Variants in KIRREL1 observed in about 807,000 individuals in gnomAD.
KIRREL1 encodes kirre like nephrin family adhesion molecule 1.
KIRREL1 carries 25 observed loss-of-function variants against 83.3 expected under a neutral mutation model. The observed-to-expected ratio is 0.30, with a 90% CI of 0.22 to 0.42. KIRREL1 has a LOEUF of 0.42. Among genes scored for constraint, KIRREL1 ranks in the 10% least tolerant of loss-of-function variants. The probability of loss-of-function intolerance (pLI) is 1.00; values close to 1 mark genes in which losing one functional copy is unlikely to be tolerated. For synonymous variants in KIRREL1, 388 were observed against 410.4 expected (o/e 0.95, Z 0.66); for missense variants, 812 against 1,032.3 (o/e 0.79, Z 2.92).
intron 1 of KIRREL1, among the ~76,000 whole-genome samples, chr1:158,066,190 C>T (rs1661353379): frequency 6.6e-6 from 1 of 152,028 alleles, no homozygotes; most frequent in Non-Finnish European, 1.5e-5. Context: ...GCCAACTCCA[C>T]ATCCCTCCCT....
At chr1:158,041,632 C>T (rs1660630155) in intron 1 of KIRREL1, among the ~76,000 whole-genome samples, 1 of 152,208 alleles carries the variant, frequency 6.6e-6, no homozygotes, top group South Asian at 2.1e-4. Context: ...GAGGGAATCA[C>T]TTCTCTCCAC....
intron 3 of KIRREL1, among the ~76,000 whole-genome samples, chr1:158,083,380 A>G (rs73024667): frequency 0.2 from 30,350 of 152,232 alleles, 4,526 homozygotes; most frequent in African/African-American, 0.42. Context: ...GGTGGGCTAC[A>G]GCATGGAAAG....
chr1:158,021,247 A>G (rs1175471668), intron 1 of KIRREL1, among the ~76,000 whole-genome samples: 1 of 152,134 alleles, frequency 6.6e-6, no homozygotes, highest in Non-Finnish European at 1.5e-5. Context: ...TTGTTATCAG[A>G]ATTATTTTCT....
chr1:158,014,365 T>G (rs1450802148), intron 1 of KIRREL1, among the ~76,000 whole-genome samples: 1 of 151,820 alleles, frequency 6.6e-6, no homozygotes, highest in Non-Finnish European at 1.5e-5. Context: ...CCAATAGGGG[T>G]AAATGTTTAA....
At chr1:158,049,757 A>AC (rs1390862347) in intron 1 of KIRREL1, among the ~76,000 whole-genome samples, 1 of 152,118 alleles carries the variant, frequency 6.6e-6, no homozygotes, top group Non-Finnish European at 1.5e-5. Flanking sequence ...TAGAATCCAG[A>AC]CCTATTTAGG....
chr1:158,018,303 T>C (rs1659893776), intron 1 of KIRREL1, among the ~76,000 whole-genome samples: 2 of 152,132 alleles, frequency 1.3e-5, no homozygotes, highest in African/African-American at 4.8e-5. Flanking sequence ...CCCAGCCTAA[T>C]ACTTCCCAGA....
chr1:158,002,159 C>A (rs534917661), intron 1 of KIRREL1, among the ~76,000 whole-genome samples: 54 of 152,296 alleles, frequency 3.5e-4, no homozygotes, highest in African/African-American at 1.2e-3. Flanking sequence ...ATGAGGAAAT[C>A]TTTTCCTCTG....
chr1:158,080,212 G>A (rs1661810246), intron 3 of KIRREL1, among the ~76,000 whole-genome samples: 1 of 152,102 alleles, frequency 6.6e-6, no homozygotes, highest in Non-Finnish European at 1.5e-5. Context: ...CCTAGAAGGT[G>A]CTACTGCTGC....
At chr1:158,087,173 T>C (rs1662041156) in intron 5 of KIRREL1, among the ~76,000 whole-genome samples, 1 of 152,322 alleles carries the variant, frequency 6.6e-6, no homozygotes, top group South Asian at 2.1e-4. Context: ...TGTGTGACTA[T>C]GGGATGTGGC....
intron 1 of KIRREL1, among the ~76,000 whole-genome samples, chr1:157,998,832 G>A (rs187768421): frequency 1.3e-5 from 2 of 152,276 alleles, no homozygotes; most frequent in Admixed American, 6.5e-5. Flanking sequence ...GATTGTAGGA[G>A]GTGAACTCCA....
chr1:158,060,413 A>G (rs1178787601), intron 1 of KIRREL1, among the ~76,000 whole-genome samples: 1 of 152,024 alleles, frequency 6.6e-6, no homozygotes, highest in Non-Finnish European at 1.5e-5. Flanking sequence ...TCTTTCATGC[A>G]TGGGACCCTT....
intron 9 of KIRREL1, 36 bp downstream of exon 9, chr1:158,089,664 C>T (rs369327721): frequency 1.4e-5 from 23 of 1,613,322 alleles, no homozygotes; most frequent in African/African-American, 1.1e-4. Context: ...CGGGCCTGGG[C>T]GGGCTGGTAC....
At chr1:158,007,358 G>A (rs1466389466) in intron 1 of KIRREL1, among the ~76,000 whole-genome samples, 1 of 152,170 alleles carries the variant, frequency 6.6e-6, no homozygotes, top group African/African-American at 2.4e-5. Context: ...GAGGACACCA[G>A]GTGGAGCCCA....
rs933441008 is a variant in KIRREL1 at position 158,096,376 on chromosome 1, T to C, written c.*1256T>C. ...GTTTTGGTTTTTAAGTGTCTTTTTT[T>C]TTTTTCTTGGACCAATCAGATTCCT... is the stretch of plus-strand genomic sequence containing the variant. On this transcript the variant is annotated 3_prime_UTR_variant, in exon 15 of 15. Coordinates refer to ENST00000359209, the MANE Select transcript of KIRREL1 (RefSeq NM_018240.7). 4 of 354,232 alleles carry C rather than the reference T, an allele frequency of 1.1e-5. No individual in the cohort carries two copies. The highest frequency in any genetic ancestry group is 8.6e-5 in the African/African-American group (4 of 46,650). 21.9% of individuals were successfully genotyped at this position (354,232 alleles called of 1,614,324 possible).
rs886453754 is a variant in KIRREL1 at position 158,097,878 on chromosome 1, G to A, written c.*2758G>A. On this transcript the variant is annotated 3_prime_UTR_variant, in exon 15 of 15. Coordinates refer to ENST00000359209, the MANE Select transcript of KIRREL1 (RefSeq NM_018240.7). ...CCTGAAGCTGCAAAGGTTAGATCTC[G>A]GCCTAACTTTCTGTTCATTGCCCCC... The A allele has an allele frequency of 1.4e-4, 22 of 152,160 alleles. No homozygotes were observed. Among genetic ancestry groups the A allele is most frequent in the Non-Finnish European group, 2.4e-4 (16 of 68,024 alleles). 9.4% of individuals were successfully genotyped at this position (152,160 alleles called of 1,614,324 possible).
chr1:157,994,287 G>A (rs1340743883), intron 1 of KIRREL1, among the ~76,000 whole-genome samples: 1 of 152,106 alleles, frequency 6.6e-6, no homozygotes, highest in African/African-American at 2.4e-5. Context: ...GGAAGGGAGG[G>A]GTGTCTCGGC....
At chr1:158,034,028 C>T (rs1000881773) in intron 1 of KIRREL1, among the ~76,000 whole-genome samples, 2 of 151,476 alleles carry the variant, frequency 1.3e-5, no homozygotes, top group Admixed American at 6.6e-5. Context: ...AATCCCAGCA[C>T]TTTGGGAGGC....
At chr1:158,093,582 C>T (rs768883483) in intron 12 of KIRREL1, 41 bp from the exon 13 acceptor site, 6 of 1,613,072 alleles carry the variant, frequency 3.7e-6, no homozygotes, top group Non-Finnish European at 4.2e-6. Flanking sequence ...CTGCAGAGAC[C>T]AGCAGGAAGC....
chr1:157,995,884 C>T (rs1659184594), intron 1 of KIRREL1, among the ~76,000 whole-genome samples: 1 of 150,364 alleles, frequency 6.7e-6, no homozygotes, highest in Non-Finnish European at 1.5e-5. Context: ...GGAAGCTTGG[C>T]AAGGGACTGG....
Sources: allele counts gnomAD v4.1 joint callset (sites outside exome capture counted in the v4.1 genomes callset), GRCh38; gene constraint gnomAD v4.1.1; transcripts MANE v1.5; gene names NCBI Gene and HGNC (gene_info 2026-07-23, HGNC 2026-07-21).